The following RYR2 variants were observed in gnomAD, a reference collection of about 807,000 sequenced individuals.
RYR2 encodes the protein ryanodine receptor 2, also known as cardiac muscle ryanodine receptor-calcium release channel.
In RYR2, 227 loss-of-function variants were observed where a neutral mutation model predicts 601.1. The ratio of observed to expected loss-of-function variants is 0.38; its 90% CI spans 0.34 to 0.42. The LOEUF is 0.42. RYR2 is among the 10% of genes least tolerant of loss of function. The pLI is 1.00. For missense variants in RYR2, 4,646 were observed against 6,156.5 expected (o/e 0.75, Z 8.21); for synonymous variants, 2,223 against 2,175.1 (o/e 1.02, Z -0.61).
intron 1 of RYR2, among the ~76,000 whole-genome samples, chr1:237,248,771 T>C (rs1272956879): frequency 6.6e-6 from 1 of 151,318 alleles, no homozygotes; most frequent in Non-Finnish European, 1.5e-5. Flanking sequence ...TTTTTTTTTT[T>C]TTTTTTTGAG....
At chr1:237,057,912 G>C (rs1662371854) in intron 1 of RYR2, among the ~76,000 whole-genome samples, 1 of 152,068 alleles carries the variant, frequency 6.6e-6, no homozygotes, top group Non-Finnish European at 1.5e-5. Flanking sequence ...TTTGCCTTTG[G>C]TTTAGCTTTG....
intron 62 of RYR2, among the ~76,000 whole-genome samples, chr1:237,681,199 A>G (rs1685848405): frequency 6.6e-6 from 1 of 152,216 alleles, no homozygotes; most frequent in Non-Finnish European, 1.5e-5. Context: ...TTACTTCTCT[A>G]ATATTACATT....
chr1:237,569,717 T>C, intron 29 of RYR2, among the ~76,000 whole-genome samples: 1 of 152,198 alleles, frequency 6.6e-6, no homozygotes, highest in Non-Finnish European at 1.5e-5. Context: ...CTTTGCTGGA[T>C]GCTGAGGTGA....
At chr1:237,616,760 A>G (rs1236590482) in intron 37 of RYR2, among the ~76,000 whole-genome samples, 5 of 152,220 alleles carry the variant, frequency 3.3e-5, no homozygotes. Flanking sequence ...CCTGAGACTG[A>G]GTAATTTATA....
intron 1 of RYR2, among the ~76,000 whole-genome samples, chr1:237,244,908 G>A (rs1433530298): frequency 6.6e-6 from 1 of 152,106 alleles, no homozygotes; most frequent in South Asian, 2.1e-4. Flanking sequence ...AAAGTCCAAG[G>A]ATTCATTGTC....
At position 237,754,343 on chromosome 1, in the gene RYR2, C is replaced by T. The variant is rs563340794; in HGVS notation, c.11146-1945C>T. Reference sequence around the variant, plus strand: ...CATGTGTTGATTTCAGTTAGGTTACCGGGACCTTACAGGCTACACTGCAAG... The same window carrying T: ...CATGTGTTGATTTCAGTTAGGTTACTGGGACCTTACAGGCTACACTGCAAG... On this transcript the variant is annotated intron_variant, in intron 80 of 104. Transcript: ENST00000366574. Among the ~76,000 whole-genome samples the T allele has an allele frequency of 2.6e-5, 4 of 152,108 alleles. No homozygotes were observed. In the South Asian group the frequency reaches 6.2e-4, roughly 24 times the overall value.
chr1:237,733,995 A>G (rs1487073421), intron 79 of RYR2, among the ~76,000 whole-genome samples: 1 of 152,204 alleles, frequency 6.6e-6, no homozygotes, highest in East Asian at 1.9e-4. Flanking sequence ...GGACATCAAT[A>G]TATTGGAGAT....
chr1:237,069,462 A>G (rs1664044314), intron 1 of RYR2, among the ~76,000 whole-genome samples: 1 of 152,050 alleles, frequency 6.6e-6, no homozygotes. Context: ...TACAGAGAGG[A>G]CTTTTGTATT....
intron 10 of RYR2, among the ~76,000 whole-genome samples, chr1:237,391,153 G>A (rs12082285): frequency 0.039 from 5,980 of 152,126 alleles, 420 homozygotes; most frequent in African/African-American, 0.14. Flanking sequence ...TGTTTAGAAA[G>A]TTTTCAACCT....
In RYR2 at chr1:237,792,370, T is replaced by TGTGCGCGC. The variant is rs753141995; in HGVS notation, c.13782+50_13782+51insCGCGCGTG. On this transcript the variant is annotated intron_variant, in intron 94 of 104. Coordinates refer to ENST00000366574, the MANE Select transcript of RYR2 (RefSeq NM_001035.3). ...GTACCTGTGTGTGTGTGTGTGTGTG[T>TGTGCGCGC]GTGTGTGTGTGCGTGTGTGTGTGTG... The TGTGCGCGC allele has an allele frequency of 4.2e-4, 395 of 945,854 alleles. 3 individuals carry two copies. The African/African-American group carries it at 8.4e-3, about 20-fold the overall frequency. The allele number at this position is 945,854 out of a possible 1,614,324, so 58.6% of individuals were successfully genotyped here.
chr1:237,701,645 T>A (rs966164322), intron 65 of RYR2, among the ~76,000 whole-genome samples: 1 of 152,182 alleles, frequency 6.6e-6, no homozygotes, highest in Non-Finnish European at 1.5e-5. Flanking sequence ...ATGAACATTG[T>A]GCCCATTAAG....
chr1:237,495,679 GTA>G (rs1330308474), intron 19 of RYR2, among the ~76,000 whole-genome samples: 1 of 152,102 alleles, frequency 6.6e-6, no homozygotes, highest in Non-Finnish European at 1.5e-5. Context: ...ACTTACTGTT[GTA>G]TTTTTTCTGT....
chr1:237,426,483 A>G (rs950158168), intron 12 of RYR2, among the ~76,000 whole-genome samples: 1 of 152,108 alleles, frequency 6.6e-6, no homozygotes, highest in Admixed American at 6.6e-5. Flanking sequence ...GGAATTTGCT[A>G]GTTTATCTAC....
intron 65 of RYR2, 28 bp downstream of exon 65, chr1:237,700,495 T>G (rs760216534): frequency 2.5e-6 from 3 of 1,218,088 alleles, no homozygotes; most frequent in South Asian, 1.4e-5. Flanking sequence ...TTGGAGTTTT[T>G]TTTTTTTTAA....
chr1:237,308,006 G>C (rs1265836917), intron 2 of RYR2, among the ~76,000 whole-genome samples: 1 of 151,948 alleles, frequency 6.6e-6, no homozygotes, highest in African/African-American at 2.4e-5. Context: ...GGGACTTGCT[G>C]AGACTCCATC....
chr1:237,060,258 C>T lies in RYR2; in HGVS notation c.48+17689C>T, dbSNP rs1016999750. On this transcript the variant is annotated intron_variant, in intron 1 of 104. Transcript: ENST00000366574. ...TTAGCCTTTCCGAATTCCTGTTATA[C>T]GCAAAGCATTCTACTTAACTCCATG... Among the ~76,000 whole-genome samples the T allele has an allele frequency of 7.9e-5, 12 of 152,106 alleles. No individual in the cohort carries two copies. The South Asian group carries it at 1.0e-3, about 13-fold the overall frequency.
intron 24 of RYR2, among the ~76,000 whole-genome samples, chr1:237,521,564 A>G (rs1435359165): frequency 6.6e-6 from 1 of 151,830 alleles, no homozygotes; most frequent in Non-Finnish European, 1.5e-5. Flanking sequence ...TACTAAAATT[A>G]TAAAAATTAG....
intron 1 of RYR2, chr1:237,270,289 T>C: frequency 1.4e-6 from 1 of 709,714 alleles, no homozygotes; most frequent in East Asian, 2.9e-5. Flanking sequence ...TCCCCTCTTT[T>C]CCCCTACTCA....
At chr1:237,423,511 T>C (rs913106685) in intron 12 of RYR2, among the ~76,000 whole-genome samples, 1 of 152,236 alleles carries the variant, frequency 6.6e-6, no homozygotes, top group African/African-American at 2.4e-5. Context: ...AATCATACTG[T>C]ATACATACAT....
Sources: allele counts gnomAD v4.1 joint callset (sites outside exome capture counted in the v4.1 genomes callset), GRCh38; gene constraint gnomAD v4.1.1; transcripts MANE v1.5; gene names NCBI Gene and HGNC (gene_info 2026-07-23, HGNC 2026-07-21).